Variants in MYT1L observed in about 807,000 individuals in gnomAD.
MYT1L encodes the protein myelin transcription factor 1 like, also known as myelin transcription factor 1-like protein.
Under a neutral mutation model 126.7 loss-of-function variants are expected in MYT1L, and 12 were observed. That is an observed-to-expected ratio of 0.09 (90% CI 0.06 to 0.15). MYT1L has a LOEUF of 0.15. Among genes scored for constraint, MYT1L ranks in the 10% least tolerant of loss-of-function variants. MYT1L has a pLI of 1.00. For synonymous variants in MYT1L, 541 were observed against 604.2 expected, an observed-to-expected ratio of 0.90 and a Z score of 1.53; for missense variants, 979 against 1,585.2, an observed-to-expected ratio of 0.62 and a Z score of 6.49.
chr2:2,202,726 T>G (rs1318038404), intron 2 of MYT1L, among the ~76,000 whole-genome samples: 2 of 152,174 alleles, frequency 1.3e-5, no homozygotes, highest in Non-Finnish European at 2.9e-5. Flanking sequence ...CTTCTGAAAC[T>G]ATTCCAATCA....
chr2:1,960,868 G>A (rs140112180), intron 8 of MYT1L, among the ~76,000 whole-genome samples: 2,085 of 151,376 alleles, frequency 0.014, 12 homozygotes, highest in Middle Eastern at 0.024. Flanking sequence ...GGCTTCTCCC[G>A]CAGTGCACCC....
chr2:2,059,607 C>A lies in MYT1L; in HGVS notation c.-303-5484G>T, dbSNP rs1260287053. On this transcript the variant is annotated intron_variant, in intron 3 of 24. Coordinates refer to ENST00000647738, the MANE Select transcript of MYT1L (RefSeq NM_001303052.2). The surrounding 1 kb of genome is among the most constrained non-coding windows in gnomAD (Gnocchi z 4.7). ...CACAAACGGACGCAGGACTGCAGTT[C>A]GGCAGGGGGCACACAATGCATGGGT... is the stretch of plus-strand genomic sequence containing the variant. Among the ~76,000 whole-genome samples the A allele has an allele frequency of 6.6e-6, 1 of 152,112 alleles. No homozygotes were observed. The highest frequency in any genetic ancestry group is 1.5e-5 in the Non-Finnish European group (1 of 68,024).
chr2:2,273,637 T>C (rs1482331799), intron 2 of MYT1L, among the ~76,000 whole-genome samples: 3 of 152,204 alleles, frequency 2.0e-5, no homozygotes, highest in Non-Finnish European at 4.4e-5. Flanking sequence ...CAGAGGCACC[T>C]GCCCCAGGGT....
At chr2:2,014,422 G>A (rs1397406804) in intron 4 of MYT1L, among the ~76,000 whole-genome samples, 1 of 152,176 alleles carries the variant, frequency 6.6e-6, no homozygotes, top group African/African-American at 2.4e-5. Context: ...GGGAAGGCCG[G>A]TCATCCTGGG....
intron 9 of MYT1L, among the ~76,000 whole-genome samples, chr2:1,933,108 G>A (rs1015658385): frequency 2.0e-5 from 3 of 152,046 alleles, no homozygotes; most frequent in Non-Finnish European, 2.9e-5. Context: ...TGGATCTGAG[G>A]AGGAGTTCAA....
chr2:2,033,990 C>A (rs897382663), intron 4 of MYT1L, among the ~76,000 whole-genome samples: 1 of 152,178 alleles, frequency 6.6e-6, no homozygotes, highest in Non-Finnish European at 1.5e-5. Context: ...ACTTGAATTT[C>A]CAGAACCTAA....
chr2:1,805,010 T>A (rs2035475650), intron 22 of MYT1L, among the ~76,000 whole-genome samples: 1 of 152,106 alleles, frequency 6.6e-6, no homozygotes, highest in Non-Finnish European at 1.5e-5. Context: ...GGTGCCAAGG[T>A]GCTAAGAGGC....
chr2:1,861,838 C>CTCCTGCAGCCTGTGTAATTCTAGATCT, intron 18 of MYT1L, among the ~76,000 whole-genome samples: 1 of 85,326 alleles, frequency 1.2e-5, no homozygotes, highest in South Asian at 4.2e-4. Context: ...ATCCTGGATC[C>CTCCTGCAGCCTGTGTAATTCTAGATCT]GCCTGCAGCC....
chr2:2,061,619 A>T (rs1205658890), intron 3 of MYT1L, among the ~76,000 whole-genome samples: 1 of 152,100 alleles, frequency 6.6e-6, no homozygotes, highest in African/African-American at 2.4e-5. Flanking sequence ...TCTTCCAAAG[A>T]TGAAACGCGT....
intron 3 of MYT1L, among the ~76,000 whole-genome samples, chr2:2,087,084 A>T (rs891608333): frequency 5.9e-5 from 9 of 152,182 alleles, no homozygotes; most frequent in Non-Finnish European, 2.9e-5. Flanking sequence ...TGTCCCCTGC[A>T]ACCAGGATTC....
Position 1,801,917 on chromosome 2 carries a change from C to T in MYT1L, c.3173-118G>A. The T allele has an allele frequency of 3.2e-6, 2 of 624,476 alleles. No individual in the cohort carries two copies. The highest frequency in any genetic ancestry group is 2.2e-5 in the South Asian group (1 of 44,920). 38.7% of individuals were successfully genotyped at this position (624,476 alleles called of 1,614,324 possible). On this transcript the variant is annotated intron_variant, in intron 22 of 24. Transcript: ENST00000647738. The surrounding 1 kb of genome is among the most constrained non-coding windows in gnomAD (Gnocchi z 4.2). ...TAATTGAATTTGCTTGGAAAATAGA[C>T]TCTTGAATTAGAAAGGAAAAAATCA...
rs184119267 is a variant in MYT1L, at chr2:2,256,460, C to T, written c.-421+27944G>A. ...ATTCCGTATTATCTATGCTGCTTAG[C>T]GCTACAGCAGCAGAATGGAGTAGTG... On this transcript the variant is annotated intron_variant, in intron 2 of 24. Transcript: ENST00000647738. Among the ~76,000 whole-genome samples, 291 of 152,306 alleles carry T rather than the reference C, an allele frequency of 1.9e-3. 2 individuals are homozygous for T. The highest frequency in any genetic ancestry group is 6.6e-3 in the African/African-American group (274 of 41,582).
chr2:1,888,417 A>G (rs968897557), intron 16 of MYT1L, among the ~76,000 whole-genome samples: 2 of 152,238 alleles, frequency 1.3e-5, no homozygotes, highest in Non-Finnish European at 2.9e-5. Flanking sequence ...AAGAATGCAG[A>G]TAATAGGCTT....
rs533474507 is a variant in MYT1L, at chr2:2,056,876, G to A, written c.-303-2753C>T. ...CCACCCTTCCTCTAATCTCCCAAATGAGAATGAGTGGGTTTTTCTTTACGG... is the reference window on the plus strand; with the variant it reads ...CCACCCTTCCTCTAATCTCCCAAATAAGAATGAGTGGGTTTTTCTTTACGG... On this transcript the variant is annotated intron_variant, in intron 3 of 24. Transcript: ENST00000647738. Among the ~76,000 whole-genome samples the A allele has an allele frequency of 2.6e-5, 4 of 152,314 alleles. No individual in the cohort carries two copies. The South Asian group carries it at 8.3e-4, about 32-fold the overall frequency.
chr2:2,315,406 T>A (rs2096049299), intron 1 of MYT1L, among the ~76,000 whole-genome samples: 2 of 152,214 alleles, frequency 1.3e-5, no homozygotes, highest in South Asian at 4.1e-4. Flanking sequence ...GGGGGTTTGG[T>A]TTCTTAAACA....
intron 23 of MYT1L, among the ~76,000 whole-genome samples, chr2:1,796,762 C>T (rs1386488834): frequency 2.0e-5 from 3 of 152,182 alleles, no homozygotes. Flanking sequence ...CCCTCCTCCA[C>T]CTCCCGTGTC....
intron 2 of MYT1L, among the ~76,000 whole-genome samples, chr2:2,182,204 A>G (rs1322672224): frequency 6.6e-6 from 1 of 152,178 alleles, no homozygotes; most frequent in Non-Finnish European, 1.5e-5. Context: ...AACTGTGGCC[A>G]TGGAGAGGTG....
chr2:2,308,550 C>T (rs1347929741), intron 1 of MYT1L, among the ~76,000 whole-genome samples: 1 of 151,980 alleles, frequency 6.6e-6, no homozygotes, highest in East Asian at 1.9e-4. Flanking sequence ...ACCCATACTC[C>T]ACCTACACTT....
intron 2 of MYT1L, among the ~76,000 whole-genome samples, chr2:2,278,779 A>T (rs1157390172): frequency 2.0e-5 from 3 of 152,214 alleles, no homozygotes; most frequent in African/African-American, 7.2e-5. Flanking sequence ...ATATTTTAAC[A>T]CCATGTATTT....
Sources: gnomAD v4.1 joint callset for allele counts (sites outside exome capture counted in the v4.1 genomes callset) on GRCh38, gnomAD v4.1.1 for gene constraint, Gnocchi (gnomAD v3.1) non-coding constraint, MANE v1.5 for transcripts, NCBI Gene and HGNC (gene_info 2026-07-23, HGNC 2026-07-21) for gene names.